PTPRK: variants seen among roughly 807,000 people sequenced by gnomAD.
PTPRK encodes the protein receptor-type tyrosine-protein phosphatase kappa.
Under a neutral mutation model 178.0 loss-of-function variants are expected in PTPRK, and 75 were observed. That is an observed-to-expected ratio of 0.42 (90% CI 0.35 to 0.51). The LOEUF is 0.51. Among genes scored for constraint, PTPRK ranks in the 20% least tolerant of loss-of-function variants. PTPRK has a pLI of 0.02. For missense variants in PTPRK, 1,441 were observed against 1,797.8 expected (o/e 0.80, Z 3.59); for synonymous variants, 637 against 620.6 (o/e 1.03, Z -0.39).
intron 13 of PTPRK, among the ~76,000 whole-genome samples, chr6:128,013,593 GA>G (rs1779281296): frequency 6.6e-6 from 1 of 151,336 alleles, no homozygotes; most frequent in African/African-American, 2.4e-5. Context: ...CATCATTCTT[GA>G]ATCCTCCACT....
chr6:128,150,332 A>G (rs1205350671), intron 7 of PTPRK, among the ~76,000 whole-genome samples: 1 of 152,118 alleles, frequency 6.6e-6, no homozygotes, highest in Non-Finnish European at 1.5e-5. Flanking sequence ...GGCTAAATAA[A>G]TGAACAGTTC....
intron 1 of PTPRK, among the ~76,000 whole-genome samples, chr6:128,405,543 A>G (rs1285462753): frequency 6.6e-6 from 1 of 152,214 alleles, no homozygotes; most frequent in African/African-American, 2.4e-5. Context: ...GTACTGAAAA[A>G]TAAAATTCTC....
chr6:128,160,077 C>A (rs535362381), intron 7 of PTPRK, among the ~76,000 whole-genome samples: 1 of 151,508 alleles, frequency 6.6e-6, no homozygotes, highest in East Asian at 1.9e-4. Context: ...GGAAAGCTCA[C>A]GTAACTTAAA....
intron 14 of PTPRK, among the ~76,000 whole-genome samples, chr6:128,007,440 A>G (rs1019698176): frequency 6.6e-6 from 1 of 150,888 alleles, no homozygotes; most frequent in Non-Finnish European, 1.5e-5. Flanking sequence ...CAAATGTTAA[A>G]TATTTTAATA....
chr6:128,165,582 T>A (rs1056173854), intron 7 of PTPRK, among the ~76,000 whole-genome samples: 2 of 151,034 alleles, frequency 1.3e-5, no homozygotes, highest in Non-Finnish European at 3.0e-5. Context: ...TAAGTATTTA[T>A]ATGAATATAT....
rs1235078297 is a variant in PTPRK at position 128,425,825 on chromosome 6, A to C, written c.101-28137T>G. Among the ~76,000 whole-genome samples the C allele has an allele frequency of 3.3e-5, 5 of 152,010 alleles. No individual in the cohort carries two copies. The East Asian group carries it at 9.6e-4, about 29-fold the overall frequency. ...GACGTTCAGGCACTCTACCACCTTG[A>C]CTCCATCTACTTTTACAGGCTTACA... On this transcript the variant is annotated intron_variant, in intron 1 of 29. Transcript: ENST00000368226.
chr6:128,493,824 CATCT>C (rs1362216410), intron 1 of PTPRK, among the ~76,000 whole-genome samples: 4 of 152,192 alleles, frequency 2.6e-5, no homozygotes, highest in Non-Finnish European at 5.9e-5. Context: ...ACTGTCCCCT[CATCT>C]ATGATGCTTT....
chr6:128,252,461 A>C (rs983931310), intron 3 of PTPRK, among the ~76,000 whole-genome samples: 1 of 152,216 alleles, frequency 6.6e-6, no homozygotes, highest in African/African-American at 2.4e-5. Flanking sequence ...ATGACTTCTT[A>C]GTCTTAAAGT....
At chr6:127,974,166 C>G (rs1774252504) in intron 27 of PTPRK, among the ~76,000 whole-genome samples, 1 of 152,212 alleles carries the variant, frequency 6.6e-6, no homozygotes, top group Non-Finnish European at 1.5e-5. Context: ...TACCTCCTAG[C>G]TGATCTCCCT....
chr6:128,257,392 C>T (rs1161426832), intron 3 of PTPRK, among the ~76,000 whole-genome samples: 2 of 151,998 alleles, frequency 1.3e-5, no homozygotes, highest in African/African-American at 4.8e-5. Context: ...ATGTGATTTG[C>T]ACCTTAAAAA....
intron 1 of PTPRK, among the ~76,000 whole-genome samples, chr6:128,468,599 T>C (rs534204806): frequency 6.6e-6 from 1 of 152,138 alleles, no homozygotes; most frequent in African/African-American, 2.4e-5. Flanking sequence ...TAAAATAGAT[T>C]TGCAGAAAAG....
intron 2 of PTPRK, among the ~76,000 whole-genome samples, chr6:128,323,693 T>C (rs1242923290): frequency 6.6e-6 from 1 of 152,172 alleles, no homozygotes; most frequent in Non-Finnish European, 1.5e-5. Flanking sequence ...AGGTAGCCTC[T>C]GGTTGAGAGC....
At chr6:128,341,909 T>C (rs1409002462) in intron 2 of PTPRK, among the ~76,000 whole-genome samples, 3 of 152,190 alleles carry the variant, frequency 2.0e-5, no homozygotes, top group Admixed American at 6.6e-5. Flanking sequence ...TGGCCAATTA[T>C]CTTAGTGATA....
At chr6:128,015,178 T>C (rs1470638258) in intron 13 of PTPRK, among the ~76,000 whole-genome samples, 1 of 151,690 alleles carries the variant, frequency 6.6e-6, no homozygotes, top group African/African-American at 2.4e-5. Flanking sequence ...TTCAAAATGC[T>C]GTACAAAATT....
At chr6:128,398,589 C>T (rs1037960049) in intron 1 of PTPRK, among the ~76,000 whole-genome samples, 4 of 152,156 alleles carry the variant, frequency 2.6e-5, no homozygotes, top group African/African-American at 7.2e-5. Flanking sequence ...TTAAGTTTTA[C>T]TAACATCTTT....
intron 7 of PTPRK, among the ~76,000 whole-genome samples, chr6:128,161,307 T>C (rs1798674380): frequency 6.6e-6 from 1 of 151,692 alleles, no homozygotes; most frequent in Admixed American, 6.6e-5. Context: ...CATGTTCTAG[T>C]AGCCCTATGT....
intron 1 of PTPRK, among the ~76,000 whole-genome samples, chr6:128,440,768 T>A (rs181700336): frequency 2.0e-5 from 3 of 152,288 alleles, no homozygotes; most frequent in African/African-American, 7.2e-5. Context: ...ATTATTTTAA[T>A]TTTTTTAACA....
intron 7 of PTPRK, among the ~76,000 whole-genome samples, chr6:128,092,037 CT>C (rs151011015): frequency 0.019 from 2,840 of 152,196 alleles, 79 homozygotes; most frequent in African/African-American, 0.063. Context: ...TCTTTAAATG[CT>C]GCTTACTTTG....
At chr6:128,294,207 G>T (rs1377512843) in intron 3 of PTPRK, among the ~76,000 whole-genome samples, 1 of 152,008 alleles carries the variant, frequency 6.6e-6, no homozygotes, top group Admixed American at 6.6e-5. Context: ...TTAAAAAGAA[G>T]AAATCAATGT....
Sources: gnomAD v4.1 joint callset for allele counts (sites outside exome capture counted in the v4.1 genomes callset) on GRCh38, gnomAD v4.1.1 for gene constraint, MANE v1.5 for transcripts, NCBI Gene and HGNC (gene_info 2026-07-23, HGNC 2026-07-21) for gene names.